NCAM2: variants seen among roughly 807,000 people sequenced by gnomAD.
NCAM2 encodes the protein neural cell adhesion molecule 2, also known as N-CAM-2.
A neutral mutation model predicts 98.1 loss-of-function variants in NCAM2; 30 were observed. The observed-to-expected ratio is 0.31, with a 90% CI of 0.23 to 0.41. The LOEUF (loss-of-function observed/expected upper bound fraction) is 0.41. Ranked by LOEUF, NCAM2 falls within the 10% of genes least tolerant of loss-of-function variation. The pLI, the probability that NCAM2 is intolerant of heterozygous loss-of-function variation, is 1.00. For synonymous variants in NCAM2, 368 were observed against 342.4 expected (o/e 1.07, Z -0.83); for missense variants, 867 against 1,005.8 (o/e 0.86, Z 1.87).
At chr21:21,285,437 C>T (rs193103420) in intron 3 of NCAM2, among the ~76,000 whole-genome samples, 1 of 151,936 alleles carries the variant, frequency 6.6e-6, no homozygotes, top group African/African-American at 2.4e-5. Flanking sequence ...TGATTCTGAG[C>T]TTCCGAAGAA....
At chr21:21,265,982 A>T (rs1008789073) in intron 1 of NCAM2, among the ~76,000 whole-genome samples, 1 of 152,252 alleles carries the variant, frequency 6.6e-6, no homozygotes, top group East Asian at 1.9e-4. Context: ...TGAATGAAAA[A>T]TATTAATGAA....
intron 16 of NCAM2, among the ~76,000 whole-genome samples, chr21:21,529,747 A>ACT (rs907132431): frequency 3.3e-5 from 5 of 150,574 alleles, no homozygotes; most frequent in African/African-American, 7.3e-5. Context: ...TAATGTGGAA[A>ACT]CTCTCTCTCT....
chr21:21,493,498 C>T (rs551754009), intron 15 of NCAM2, among the ~76,000 whole-genome samples: 14 of 152,066 alleles, frequency 9.2e-5, no homozygotes, highest in African/African-American at 3.4e-4. Flanking sequence ...TAATGAATAT[C>T]TAACACCCAA....
intron 11 of NCAM2, among the ~76,000 whole-genome samples, chr21:21,431,626 C>T (rs1255331104): frequency 6.6e-6 from 1 of 152,034 alleles, no homozygotes; most frequent in African/African-American, 2.4e-5. Context: ...CAAAACTTAG[C>T]ACTTACCTAC....
At chr21:21,092,679 A>G (rs922039626) in intron 1 of NCAM2, among the ~76,000 whole-genome samples, 16 of 84 alleles carry the variant, frequency 0.19, no homozygotes, top group Admixed American at 0.46. Flanking sequence ...ATACGCTAGA[A>G]AAATCTAGGA....
intron 1 of NCAM2, among the ~76,000 whole-genome samples, chr21:21,219,335 AG>A (rs1439572549): frequency 2.6e-5 from 4 of 152,190 alleles, no homozygotes; most frequent in Non-Finnish European, 5.9e-5. Context: ...CTAATGCAAA[AG>A]TAAATTGGCT....
intron 6 of NCAM2, 151 bp downstream of exon 6, chr21:21,324,651 G>A: frequency 1.7e-6 from 1 of 602,976 alleles, no homozygotes; most frequent in Non-Finnish European, 2.9e-6. Flanking sequence ...GGCTTACGGT[G>A]GTTAGATTAA....
intron 15 of NCAM2, among the ~76,000 whole-genome samples, chr21:21,498,834 TA>T (rs1434199867): frequency 6.6e-6 from 1 of 152,146 alleles, no homozygotes; most frequent in Non-Finnish European, 1.5e-5. Context: ...AATAATACAA[TA>T]AATATGTTAA....
chr21:21,208,487 T>C (rs2069524221), intron 1 of NCAM2, among the ~76,000 whole-genome samples: 1 of 152,176 alleles, frequency 6.6e-6, no homozygotes, highest in Admixed American at 6.5e-5. Context: ...TAATTTTATT[T>C]CTTGTTTTCA....
chr21:21,038,135 T>C (rs58016544), intron 1 of NCAM2, among the ~76,000 whole-genome samples: 144,623 of 151,992 alleles, frequency 0.95, 69,225 homozygotes, highest in East Asian at 1. Flanking sequence ...ATTTTTCTGC[T>C]GCTACTGTTA....
At chr21:21,096,026 G>A (rs1343338524) in intron 1 of NCAM2, among the ~76,000 whole-genome samples, 1 of 151,576 alleles carries the variant, frequency 6.6e-6, no homozygotes, top group Non-Finnish European at 1.5e-5. Context: ...TGAGAAACAG[G>A]AAAGACCTCA....
chr21:21,086,458 C>G (rs1356330181), intron 1 of NCAM2, among the ~76,000 whole-genome samples: 1 of 152,144 alleles, frequency 6.6e-6, no homozygotes, highest in African/African-American at 2.4e-5. Context: ...GGCAGAATCA[C>G]ATGCATACAG....
chr21:21,199,508 C>T (rs1335121979), intron 1 of NCAM2, among the ~76,000 whole-genome samples: 2 of 152,152 alleles, frequency 1.3e-5, no homozygotes, highest in Non-Finnish European at 2.9e-5. Context: ...GAGGCATGCT[C>T]CTGTCTAGGG....
chr21:21,317,895 C>T (rs1356432533), intron 5 of NCAM2, among the ~76,000 whole-genome samples: 1 of 152,010 alleles, frequency 6.6e-6, no homozygotes, highest in South Asian at 2.1e-4. Flanking sequence ...CAGGTGGTCC[C>T]AAAACTTTTC....
chr21:21,064,957 A>G (rs2065402581), intron 1 of NCAM2, among the ~76,000 whole-genome samples: 1 of 152,094 alleles, frequency 6.6e-6, no homozygotes. Flanking sequence ...AGGCAGGTGG[A>G]TCACCTGAGG....
chr21:21,208,375 A>T (rs8128989), intron 1 of NCAM2, among the ~76,000 whole-genome samples: 2,491 of 152,284 alleles, frequency 0.016, 81 homozygotes, highest in African/African-American at 0.058. Context: ...TGTACTAGGC[A>T]GCAGGGGAGG....
rs182348685 is a variant in NCAM2, at chr21:21,057,583, C to T, written c.55+58965C>T. On this transcript the variant is annotated intron_variant, in intron 1 of 17. Transcript: ENST00000400546. The stretch of plus-strand genomic sequence containing the variant: ...ATGCACCCGACAAATCCTTCCTGAT[C>T]GTTACTTGTCATCCTTCATCTAATC... Among the ~76,000 whole-genome samples the T allele has an allele frequency of 5.3e-4, 80 of 152,196 alleles. 1 individual carries two copies. Among genetic ancestry groups the T allele is most frequent in the African/African-American group, 1.6e-3 (65 of 41,570 alleles).
chr21:21,129,723 A>C (rs1017985826), intron 1 of NCAM2, among the ~76,000 whole-genome samples: 3 of 151,934 alleles, frequency 2.0e-5, no homozygotes, highest in Non-Finnish European at 2.9e-5. Flanking sequence ...CATGTGGGGG[A>C]TTAGGTTTCA....
chr21:21,036,565 A>C (rs2064801737), intron 1 of NCAM2, among the ~76,000 whole-genome samples: 1 of 152,230 alleles, frequency 6.6e-6, no homozygotes, highest in Non-Finnish European at 1.5e-5. Flanking sequence ...GAAATATGAA[A>C]ACTCAAAGAA....
Sources: allele counts gnomAD v4.1 joint callset (sites outside exome capture counted in the v4.1 genomes callset), GRCh38; gene constraint gnomAD v4.1.1; transcripts MANE v1.5; gene names NCBI Gene and HGNC (gene_info 2026-07-23, HGNC 2026-07-21).